PGAP2: variants seen among roughly 807,000 people sequenced by gnomAD.
PGAP2 encodes acyltransferase PGAP2.
A neutral mutation model predicts 33.2 loss-of-function variants in PGAP2; 21 were observed. The observed-to-expected ratio is 0.63, with a 90% CI of 0.45 to 0.91. PGAP2 has a LOEUF of 0.91. PGAP2 is among the 40% of genes least tolerant of loss of function. PGAP2 has a pLI of 0.00. For synonymous variants in PGAP2, 161 were observed against 172.9 expected (o/e 0.93, Z 0.54); for missense variants, 345 against 424.0 (o/e 0.81, Z 1.64).
At chr11:3,814,576 C>T (rs1270979996) in intron 2 of PGAP2, among the ~76,000 whole-genome samples, 4 of 151,010 alleles carry the variant, frequency 2.6e-5, no homozygotes, top group African/African-American at 9.7e-5. Flanking sequence ...TTTCTTTCTT[C>T]TTCTTTTTTT....
chr11:3,801,438 C>T (rs1288509521), intron 1 of PGAP2, among the ~76,000 whole-genome samples: 3 of 148,494 alleles, frequency 2.0e-5, no homozygotes, highest in East Asian at 2.0e-4. Context: ...GTCAGGAGAT[C>T]GAGACCATCC....
chr11:3,797,960 AG>A lies in PGAP2; in HGVS notation c.120del (p.Thr41ArgfsTer80). ...GGCTGAGGGAGCTCGGGCCAATCAG[AG>A]GGACGGCCCCAGAATGGCATGGTAA... On this transcript the variant is annotated frameshift_variant, in exon 1 of 7. Transcript: ENST00000300730. LOFTEE classifies it high-confidence loss of function. 6.5e-7 allele frequency: 1 copy of A among 1,547,676 alleles called. No individual in the cohort carries two copies. The highest frequency in any genetic ancestry group is 8.7e-7 in the Non-Finnish European group (1 of 1,145,192).
Position 3,811,142 on chromosome 11 carries a change from C to A in PGAP2, c.-10-108C>A. ...TAGGTGCCTTCCTCCTCAGACTCCCCACCCCACAGCACACAGCTAATTTTA... is the reference window on the plus strand; with the variant it reads ...TAGGTGCCTTCCTCCTCAGACTCCCAACCCCACAGCACACAGCTAATTTTA... On this transcript the variant is annotated intron_variant, in intron 1 of 6. Transcript: ENST00000278243. This position sits in a 1 kb window ranked among gnomAD's most constrained non-coding sequence, Gnocchi z 4.6. 1.0e-6 allele frequency: 1 copy of A among 1,003,520 alleles called. No homozygotes were observed. Among genetic ancestry groups the A allele is most frequent in the Non-Finnish European group, 1.5e-6 (1 of 683,066 alleles). The allele number at this position is 1,003,520 out of a possible 1,614,324, so 62.2% of individuals were successfully genotyped here.
rs527782902 is a variant in PGAP2, at chr11:3,825,792, T to G, written c.*334T>G. 1 of 228,030 alleles carries G rather than the reference T, an allele frequency of 4.4e-6. No individual in the cohort carries two copies. Among genetic ancestry groups the G allele is most frequent in the African/African-American group, 2.3e-5 (1 of 44,184 alleles). 14.1% of individuals were successfully genotyped at this position (228,030 alleles called of 1,614,324 possible). ...TGGCCTTTACACAGTCACCTTTCACTGAGGTCAGGAGCCCCTGAGCAGTGG... is the reference window on the plus strand; with the variant it reads ...TGGCCTTTACACAGTCACCTTTCACGGAGGTCAGGAGCCCCTGAGCAGTGG... On this transcript the variant is annotated 3_prime_UTR_variant, in exon 7 of 7. Coordinates refer to ENST00000278243, the MANE Select transcript of PGAP2 (RefSeq NM_014489.4).
intron 3 of PGAP2, chr11:3,822,779 G>A: frequency 1.9e-6 from 1 of 539,582 alleles, no homozygotes; most frequent in South Asian, 3.1e-5. Context: ...GTCTAAGAGA[G>A]CCTCTTCCCA....
chr11:3,798,154 C>G, intron 1 of PGAP2: 1 of 1,425,022 alleles, frequency 7.0e-7, no homozygotes, highest in South Asian at 1.5e-5. Flanking sequence ...TAAATCCTGA[C>G]CCTATTCTCT....
At chr11:3,803,200 C>T (rs544070457) in intron 1 of PGAP2, among the ~76,000 whole-genome samples, 1 of 152,076 alleles carries the variant, frequency 6.6e-6, no homozygotes, top group East Asian at 1.9e-4. Flanking sequence ...ACCATGTTAG[C>T]CAGGCTGATC....
chr11:3,824,628 A>T (rs1164248648), intron 5 of PGAP2: 2 of 695,744 alleles, frequency 2.9e-6, no homozygotes, highest in African/African-American at 3.6e-5. Flanking sequence ...ATGGGGATAG[A>T]ATGAGGAGTC....
At position 3,821,431 on chromosome 11, in the gene PGAP2, C is replaced by G. The variant is rs116612489; in HGVS notation, c.349-2452C>G. ...GTGCACAGAAAGTGTGGGCAATGGA[C>G]TGGCCATTTCCACAGTTTTGGAAAC... On this transcript the variant is annotated intron_variant, in intron 3 of 6. Transcript: ENST00000278243. 4.4e-3 allele frequency among the ~76,000 whole-genome samples: 672 copies of G among 152,382 alleles called. 3 individuals are homozygous for G. Among genetic ancestry groups the G allele is most frequent in the African/African-American group, 0.015 (636 of 41,592 alleles).
intron 1 of PGAP2, among the ~76,000 whole-genome samples, chr11:3,799,236 G>T (rs553299042): frequency 2.0e-5 from 3 of 152,268 alleles, no homozygotes; most frequent in East Asian, 1.9e-4. Flanking sequence ...GGAACTGTGC[G>T]CAGAAAGCAA....
chr11:3,822,862 G>C, intron 3 of PGAP2: 2 of 1,067,508 alleles, frequency 1.9e-6, no homozygotes, highest in African/African-American at 3.2e-5. Flanking sequence ...AAACAAGCAA[G>C]ACACCAGTCC....
chr11:3,822,946 G>T, intron 3 of PGAP2: 1 of 1,542,764 alleles, frequency 6.5e-7, no homozygotes, highest in Non-Finnish European at 8.8e-7. Flanking sequence ...CATTAAGATG[G>T]ATGGTGGAGA....
At chr11:3,805,263 T>G (rs1201303842), upstream of PGAP2, among the ~76,000 whole-genome samples, 1 of 148,856 alleles carries the variant, frequency 6.7e-6, no homozygotes, top group Non-Finnish European at 1.5e-5. Flanking sequence ...GATATTCTTT[T>G]TTTTTTTTTT....
At chr11:3,806,610 A>T (rs532216725), upstream of PGAP2, among the ~76,000 whole-genome samples, 1 of 152,344 alleles carries the variant, frequency 6.6e-6, no homozygotes, top group African/African-American at 2.4e-5. Context: ...AGTGGCATTA[A>T]CAGCATATAG....
At chr11:3,814,748 T>TTTC (rs1565011131) in intron 2 of PGAP2, among the ~76,000 whole-genome samples, 14 of 112,654 alleles carry the variant, frequency 1.2e-4, no homozygotes, top group East Asian at 5.3e-4. Flanking sequence ...TCTTTCCTTC[T>TTTC]TTTCTTTCTT....
chr11:3,812,262 T>C (rs1282355825), intron 2 of PGAP2, among the ~76,000 whole-genome samples: 2 of 152,138 alleles, frequency 1.3e-5, no homozygotes, highest in African/African-American at 2.4e-5. Context: ...AGTTTCCTCA[T>C]GTCTGAAATA....
intron 2 of PGAP2, among the ~76,000 whole-genome samples, chr11:3,814,748 T>TTTTCTTTC (rs57460101): frequency 0.025 from 2,859 of 112,410 alleles, 108 homozygotes; most frequent in African/African-American, 0.053. Context: ...TCTTTCCTTC[T>TTTTCTTTC]TTTCTTTCTT....
upstream of PGAP2, among the ~76,000 whole-genome samples, chr11:3,806,595 T>C (rs1422628348): frequency 6.6e-6 from 1 of 152,136 alleles, no homozygotes; most frequent in African/African-American, 2.4e-5. Context: ...AATCAACAAA[T>C]GCTAAGTGGC....
Position 3,825,219 on chromosome 11 carries a change from C to T in PGAP2, c.817+91C>T. On this transcript the variant is annotated intron_variant, in intron 6 of 6. Transcript: ENST00000278243. ...AATGGGCAATGGTCTTGGGGACTGG[C>T]TGCCATTGTGTTCTCTGTGGCAGAC... is the stretch of plus-strand genomic sequence containing the variant. 3.9e-6 allele frequency: 6 copies of T among 1,556,020 alleles called. 1 individual carries two copies. The South Asian group carries it at 6.8e-5, about 18-fold the overall frequency.
Sources: allele counts gnomAD v4.1 joint callset (sites outside exome capture counted in the v4.1 genomes callset), GRCh38; gene constraint gnomAD v4.1.1; non-coding constraint Gnocchi (gnomAD v3.1); transcripts MANE v1.5; gene names NCBI Gene and HGNC (gene_info 2026-07-23, HGNC 2026-07-21).